The following PACSIN2 variants were observed in gnomAD, a reference collection of about 807,000 sequenced individuals.
The protein encoded by PACSIN2 is protein kinase C and casein kinase substrate in neurons 2, also known as protein kinase C and casein kinase substrate in neurons protein 2.
A neutral mutation model predicts 63.8 loss-of-function variants in PACSIN2; 25 were observed. The observed-to-expected ratio is 0.39, with a 90% CI of 0.29 to 0.55. PACSIN2 has a LOEUF of 0.55. Ranked by LOEUF, PACSIN2 falls within the 20% of genes least tolerant of loss-of-function variation. The pLI, the probability that PACSIN2 is intolerant of heterozygous loss-of-function variation, is 0.62. For synonymous variants in PACSIN2, 255 were observed against 256.2 expected (o/e 1.00, Z 0.05); for missense variants, 518 against 646.9 (o/e 0.80, Z 2.16).
chr22:42,903,213 A>G (rs370488998), intron 2 of PACSIN2, among the ~76,000 whole-genome samples: 26 of 152,124 alleles, frequency 1.7e-4, no homozygotes, highest in African/African-American at 6.3e-4. Flanking sequence ...TCTCCTCAGG[A>G]CTGTGCCCTG....
chr22:42,887,948 C>T (rs867012372), intron 5 of PACSIN2, among the ~76,000 whole-genome samples: 1 of 152,110 alleles, frequency 6.6e-6, no homozygotes, highest in African/African-American at 2.4e-5. Context: ...CTCTGCCTCA[C>T]TTTCGGGGCC....
At chr22:42,882,905 T>G (rs1235718297) in intron 6 of PACSIN2, among the ~76,000 whole-genome samples, 1 of 152,224 alleles carries the variant, frequency 6.6e-6, no homozygotes, top group Non-Finnish European at 1.5e-5. Flanking sequence ...ATGTACTTTC[T>G]CTGGGCCTCG....
intron 1 of PACSIN2, among the ~76,000 whole-genome samples, chr22:42,972,865 C>T (rs1034979895): frequency 1.3e-5 from 2 of 152,186 alleles, no homozygotes; most frequent in African/African-American, 2.4e-5. Context: ...CCAGCTCAAC[C>T]GTGCTTTTAA....
intron 1 of PACSIN2, among the ~76,000 whole-genome samples, chr22:42,984,569 A>T (rs1922476258): frequency 6.6e-6 from 1 of 152,208 alleles, no homozygotes; most frequent in Non-Finnish European, 1.5e-5. Context: ...GCCCTGACCC[A>T]GGCCAGCGGG....
chr22:42,990,502 G>C (rs1286528131), intron 1 of PACSIN2, among the ~76,000 whole-genome samples: 1 of 152,200 alleles, frequency 6.6e-6, no homozygotes, highest in Non-Finnish European at 1.5e-5. Context: ...GGGGACGGGG[G>C]TGGACCATCC....
intron 1 of PACSIN2, among the ~76,000 whole-genome samples, chr22:43,004,619 G>A (rs1228356550): frequency 2.0e-5 from 3 of 152,196 alleles, no homozygotes; most frequent in East Asian, 1.9e-4. Flanking sequence ...CTCGGTTGGC[G>A]ACAACATAAT....
At chr22:42,878,981 C>T (rs1333430991) in intron 8 of PACSIN2, 67 bp downstream of exon 8, 5 of 1,558,288 alleles carry the variant, frequency 3.2e-6, no homozygotes, top group Admixed American at 1.8e-5. Context: ...CTGCCCTGGA[C>T]CATGCAGATT....
At chr22:42,952,507 C>T (rs1019029498) in intron 1 of PACSIN2, among the ~76,000 whole-genome samples, 1 of 150,738 alleles carries the variant, frequency 6.6e-6, no homozygotes, top group Non-Finnish European at 1.5e-5. Context: ...TTTAGGCGCG[C>T]ACCACCACGC....
chr22:42,923,015 G>T (rs1246145273), intron 1 of PACSIN2, among the ~76,000 whole-genome samples: 1 of 152,190 alleles, frequency 6.6e-6, no homozygotes, highest in Non-Finnish European at 1.5e-5. Context: ...GGCAGAGGCA[G>T]AGGGAGTGAG....
At chr22:43,010,385 C>CATATATATATATATATATATAT (rs1253098949) in intron 1 of PACSIN2, among the ~76,000 whole-genome samples, 4 of 66,062 alleles carry the variant, frequency 6.1e-5, no homozygotes, top group Admixed American at 1.9e-4. Context: ...TTTAAAAATA[C>CATATATATATATATATATATAT]ATATATATAT....
intron 8 of PACSIN2, 146 bp downstream of exon 8, chr22:42,878,902 G>A: frequency 1.1e-6 from 1 of 884,156 alleles, no homozygotes; most frequent in Non-Finnish European, 1.6e-6. Flanking sequence ...GAACCTCCCA[G>A]GTGTCCAGGC....
intron 1 of PACSIN2, among the ~76,000 whole-genome samples, chr22:42,997,932 C>T (rs781427711): frequency 6.6e-6 from 1 of 152,148 alleles, no homozygotes; most frequent in Non-Finnish European, 1.5e-5. Context: ...GAGTTCCACC[C>T]ACGTGTCTCA....
intron 2 of PACSIN2, among the ~76,000 whole-genome samples, chr22:42,900,530 G>A (rs1482277058): frequency 6.6e-6 from 1 of 152,134 alleles, no homozygotes; most frequent in Admixed American, 6.6e-5. Context: ...TGCCCAGGCT[G>A]GAGTGCAGTG....
chr22:42,924,044 T>TAAA (rs770285503), intron 1 of PACSIN2, among the ~76,000 whole-genome samples: 1 of 136,170 alleles, frequency 7.3e-6, no homozygotes, highest in Non-Finnish European at 1.6e-5. Context: ...CTGGTCTCTT[T>TAAA]AAAAAAAAAA....
intron 1 of PACSIN2, among the ~76,000 whole-genome samples, chr22:42,912,469 C>T (rs11090122): frequency 0.2 from 29,856 of 152,120 alleles, 5,038 homozygotes; most frequent in East Asian, 0.73. Flanking sequence ...CGGGATAAAA[C>T]GTGAGTGGAG....
intron 1 of PACSIN2, among the ~76,000 whole-genome samples, chr22:42,982,773 A>C (rs1433270122): frequency 7.3e-6 from 1 of 137,486 alleles, no homozygotes; most frequent in Non-Finnish European, 1.5e-5. Flanking sequence ...AAAACCAGAG[A>C]CCTTTGTTCA....
chr22:42,935,478 T>C (rs1447629148), intron 1 of PACSIN2, among the ~76,000 whole-genome samples: 2 of 152,122 alleles, frequency 1.3e-5, no homozygotes, highest in Non-Finnish European at 2.9e-5. Context: ...CCAAAAAACT[T>C]GTTTCCACAT....
chr22:42,950,203 A>G (rs1470371115), intron 1 of PACSIN2, among the ~76,000 whole-genome samples: 1 of 152,126 alleles, frequency 6.6e-6, no homozygotes, highest in East Asian at 1.9e-4. Context: ...ATTAGGTATT[A>G]TAAGTAATCT....
intron 1 of PACSIN2, among the ~76,000 whole-genome samples, chr22:42,937,923 T>G (rs1159525476): frequency 6.6e-6 from 1 of 152,212 alleles, no homozygotes; most frequent in Non-Finnish European, 1.5e-5. Context: ...AATCTCCCAC[T>G]GGAGAACTCT....
Sources: allele counts gnomAD v4.1 joint callset (sites outside exome capture counted in the v4.1 genomes callset), GRCh38; gene constraint gnomAD v4.1.1; transcripts MANE v1.5; gene names NCBI Gene and HGNC (gene_info 2026-07-23, HGNC 2026-07-21).